DEDD2: variants seen among roughly 807,000 people sequenced by gnomAD.
The protein encoded by DEDD2 is DNA-binding death effector domain-containing protein 2.
DEDD2 carries 18 observed loss-of-function variants against 28.9 expected under a neutral mutation model. That is an observed-to-expected ratio of 0.62 (90% CI 0.43 to 0.92). The LOEUF (loss-of-function observed/expected upper bound fraction) is 0.92, where lower values mean the gene tolerates loss of function less well. Among genes scored for constraint, DEDD2 ranks in the 40% least tolerant of loss-of-function variants. The probability of loss-of-function intolerance (pLI) is 0.00; values close to 1 mark genes in which losing one functional copy is unlikely to be tolerated. For synonymous variants in DEDD2, 211 were observed against 206.1 expected (o/e 1.02, Z -0.20); for missense variants, 411 against 463.3 (o/e 0.89, Z 1.04).
At chr19:42,208,592 C>G (rs2035624350) in intron 4 of DEDD2, among the ~76,000 whole-genome samples, 1 of 152,238 alleles carries the variant, frequency 6.6e-6, no homozygotes, top group Non-Finnish European at 1.5e-5. Context: ...CTGCCAGTGC[C>G]TGGCGCATGG....
At position 42,209,822 on chromosome 19, in the gene DEDD2, C is replaced by G. The variant is rs1193280301; in HGVS notation, c.467G>C (p.Arg156Pro). The change falls in exon 4 of 5, where the codon CGG becomes CCG. Residue 156 changes from arginine (R) to proline (P), a missense_variant. Arg to Pro is a moderately radical substitution (Grantham distance 103). Coordinates refer to ENST00000596251, the MANE Select transcript of DEDD2 (RefSeq NM_133328.4). The part of the protein sequence containing the change: ...QWETGSPPTK[R>P]QRRSRGRPSG... ...GGGCCGGCCCCGACTCCGCCGCTGC[C>G]GCTTGGTTGGGGGGGAGCCTGAGGG... is the stretch of plus-strand genomic sequence containing the variant. The G allele has an allele frequency of 1.3e-6, 2 of 1,550,220 alleles. No homozygotes were observed. Among genetic ancestry groups the G allele is most frequent in the Non-Finnish European group, 1.7e-6 (2 of 1,150,368 alleles).
rs755850059 is a variant in DEDD2 at position 42,199,618 on chromosome 19, C to G, written c.801G>C (p.Leu267=). The G allele has an allele frequency of 6.2e-7, 1 of 1,614,158 alleles. No individual in the cohort carries two copies. Among genetic ancestry groups the G allele is most frequent in the Non-Finnish European group, 8.5e-7 (1 of 1,179,986 alleles). The change falls in exon 5 of 5, where the codon CTG becomes CTC. Residue 267 remains leucine (L), a synonymous_variant. Transcript: ENST00000596251. The surrounding 1 kb of genome is among the most constrained non-coding windows in gnomAD (Gnocchi z 7.4). ...SYLDAFWGDY[L]SGALLQALRG... is the part of the protein sequence containing the mutation. Reference sequence around the variant, plus strand: ...GCAGGGCCTGCAGCAGGGCGCCACTCAGGTAGTCGCCCCAGAAGGCGTCCA... The same window carrying G: ...GCAGGGCCTGCAGCAGGGCGCCACTGAGGTAGTCGCCCCAGAAGGCGTCCA...
At chr19:42,217,800 C>A (rs978904005), upstream of DEDD2, 15 of 152,380 alleles carry the variant, frequency 9.8e-5, no homozygotes, top group African/African-American at 3.1e-4. Flanking sequence ...AACGAGGCCT[C>A]CAAGCCCCGC....
chr19:42,200,670 G>A (rs1166173639), intron 4 of DEDD2, among the ~76,000 whole-genome samples: 1 of 152,224 alleles, frequency 6.6e-6, no homozygotes, highest in African/African-American at 2.4e-5. Flanking sequence ...AGGAGAGAAG[G>A]AAGCCTACGC....
At chr19:42,215,321 C>T in intron 2 of DEDD2, 69 bp from the exon 3 acceptor site, 1 of 1,588,946 alleles carries the variant, frequency 6.3e-7, no homozygotes, top group Non-Finnish European at 8.6e-7. Context: ...TGGAAGAATG[C>T]CTGCACCACG....
chr19:42,219,225 A>G (rs950032376), upstream of DEDD2, among the ~76,000 whole-genome samples: 3 of 151,536 alleles, frequency 2.0e-5, no homozygotes, highest in Admixed American at 6.6e-5. Flanking sequence ...AATCGCTTGA[A>G]CCCTGGAGGC....
intron 4 of DEDD2, among the ~76,000 whole-genome samples, chr19:42,205,930 C>A (rs1330845314): frequency 6.6e-6 from 1 of 151,952 alleles, no homozygotes; most frequent in African/African-American, 2.4e-5. Flanking sequence ...AAAAAACACA[C>A]AGAAATTAGC....
chr19:42,205,640 C>A (rs1247851546), intron 4 of DEDD2, among the ~76,000 whole-genome samples: 1 of 151,086 alleles, frequency 6.6e-6, no homozygotes, highest in East Asian at 2.0e-4. Flanking sequence ...AAAAAAAAAT[C>A]TCTTTTCAAG....
intron 3 of DEDD2, among the ~76,000 whole-genome samples, chr19:42,212,755 G>T (rs1005510786): frequency 2.6e-5 from 4 of 151,994 alleles, no homozygotes; most frequent in South Asian, 4.2e-4. Context: ...GTGAGCCACT[G>T]CACCCGGCTA....
chr19:42,209,455 C>A (rs2035661470), intron 4 of DEDD2, among the ~76,000 whole-genome samples: 1 of 152,084 alleles, frequency 6.6e-6, no homozygotes, highest in African/African-American at 2.4e-5. Context: ...ACAAATGAAA[C>A]TAGGGCAGGG....
rs562699101 is a variant in DEDD2 at position 42,210,646 on chromosome 19, G to A, written c.449-806C>T. 7.2e-5 allele frequency among the ~76,000 whole-genome samples: 11 copies of A among 151,936 alleles called. No homozygotes were observed. The South Asian group carries it at 2.1e-3, about 29-fold the overall frequency. On this transcript the variant is annotated intron_variant, in intron 3 of 4. Coordinates refer to ENST00000596251, the MANE Select transcript of DEDD2 (RefSeq NM_133328.4). ...TGACCTCAAGTGATCCACCCGCCTC[G>A]GCCTCCCAAAGTGCTGGGATTATGG...
intron 3 of DEDD2, among the ~76,000 whole-genome samples, chr19:42,213,777 G>C (rs2035855892): frequency 6.6e-6 from 1 of 151,564 alleles, no homozygotes; most frequent in South Asian, 2.1e-4. Flanking sequence ...AAAAGGTATG[G>C]GGTGTAGGGG....
At position 42,215,125 on chromosome 19, in the gene DEDD2, G is replaced by T; in HGVS notation, c.448+8C>A. 6.2e-7 allele frequency: 1 copy of T among 1,613,768 alleles called. No homozygotes were observed. The stretch of plus-strand genomic sequence containing the variant: ...ATGCTGCCATTACACCCACCCAGCT[G>T]GGCTCACCTGTCTCCCACTGACCCT... On this transcript the variant is annotated splice_region_variant and intron_variant, in intron 3 of 4. Transcript: ENST00000596251.
chr19:42,215,205 T>A lies in DEDD2; in HGVS notation c.376A>T (p.Thr126Ser). The A allele has an allele frequency of 6.2e-7, 1 of 1,613,902 alleles. No homozygotes were observed. Among genetic ancestry groups the A allele is most frequent in the Middle Eastern group, 1.6e-4 (1 of 6,062 alleles). The change falls in exon 3 of 5, where the codon ACA becomes TCA. Residue 126 changes from threonine (T) to serine (S), a missense_variant. By Grantham distance (58) the Thr-to-Ser change is moderately conservative (BLOSUM62 1). Transcript: ENST00000596251. ...CGACGGCGACGGCAGCTACCCTCTG[T>A]CCTCTTTGAAGAGCTGGAGGTGCCA... ...SYGTSSSSKR[T>S]EGSCRRRRQS...
intron 4 of DEDD2, among the ~76,000 whole-genome samples, chr19:42,208,230 C>T (rs2035610599): frequency 6.6e-6 from 1 of 152,164 alleles, no homozygotes; most frequent in South Asian, 2.1e-4. Context: ...TGGAATTTCT[C>T]AAGAGCAAGG....
At chr19:42,203,397 A>C (rs1431992612) in intron 4 of DEDD2, among the ~76,000 whole-genome samples, 1 of 152,220 alleles carries the variant, frequency 6.6e-6, no homozygotes, top group Admixed American at 6.5e-5. Context: ...AAAGAATGGC[A>C]TTCTCAGGAG....
intron 2 of DEDD2, among the ~76,000 whole-genome samples, chr19:42,215,707 G>C (rs2035939940): frequency 6.6e-6 from 1 of 152,236 alleles, no homozygotes; most frequent in Non-Finnish European, 1.5e-5. Context: ...CTCTGGGTCA[G>C]GGAAGGCCAT....
At position 42,217,002 on chromosome 19, in the gene DEDD2, C is replaced by T. The variant is rs779768868; in HGVS notation, c.6G>A (p.Ala2=). 6.3e-7 allele frequency: 1 copy of T among 1,582,876 alleles called. No individual in the cohort carries two copies. The highest frequency in any genetic ancestry group is 1.2e-5 in the South Asian group (1 of 86,896). ...ACGGGGCCGGGGTCGACCCGGATAG[C>T]GCCATTCCCGGGGGAGGGAGGCGGA... The part of the protein sequence containing the change: M[A]LSGSTPAPCW... The change falls in exon 2 of 5, where the codon GCG becomes GCA. Residue 2 remains alanine (A), a synonymous_variant. Transcript: ENST00000596251.
intron 3 of DEDD2, among the ~76,000 whole-genome samples, chr19:42,214,460 A>G (rs1047040514): frequency 6.6e-6 from 1 of 151,506 alleles, no homozygotes; most frequent in East Asian, 1.9e-4. Context: ...TCTGCCTCAA[A>G]ACAACAACAA....
Sources: allele counts gnomAD v4.1 joint callset (sites outside exome capture counted in the v4.1 genomes callset), GRCh38; gene constraint gnomAD v4.1.1; non-coding constraint Gnocchi (gnomAD v3.1); transcripts MANE v1.5; gene names NCBI Gene and HGNC (gene_info 2026-07-23, HGNC 2026-07-21).